The following ITGAD variants were observed in gnomAD, a reference collection of about 807,000 sequenced individuals.
ITGAD encodes the protein integrin subunit alpha D.
Under a neutral mutation model 139.0 loss-of-function variants are expected in ITGAD, and 105 were observed. The ratio of observed to expected loss-of-function variants is 0.76; its 90% CI spans 0.65 to 0.89. ITGAD has a LOEUF of 0.89. ITGAD is among the 40% of genes least tolerant of loss of function. The pLI is 0.00. For missense variants in ITGAD, 1,384 were observed against 1,487.3 expected (o/e 0.93, Z 1.14); for synonymous variants, 569 against 598.3 (o/e 0.95, Z 0.71).
intron 3 of ITGAD, 37 bp from the exon 4 acceptor site, chr16:31,397,559 G>T: frequency 6.2e-7 from 1 of 1,604,100 alleles, no homozygotes. Flanking sequence ...AAATGAGTGT[G>T]TGCTGTGAGT....
Position 31,403,571 on chromosome 16 carries a change from C to A in ITGAD, c.630C>A (p.Ser210Arg). The A allele has an allele frequency of 1.9e-6, 3 of 1,614,210 alleles. No individual in the cohort carries two copies. The highest frequency in any genetic ancestry group is 1.7e-6 in the Non-Finnish European group (2 of 1,180,036). ...TCACCCAATTCCGGACCAGCCCGAGCCAGCAGAGCCTGGTGGATCCCATCG... is the reference window on the plus strand; with the variant it reads ...TCACCCAATTCCGGACCAGCCCGAGACAGCAGAGCCTGGTGGATCCCATCG... ...FTFTQFRTSP[S>R]QQSLVDPIVQ... Residue 210 changes from serine (S) to arginine (R), a missense_variant, in exon 7 of 30, where the codon AGC becomes AGA. Coordinates refer to ENST00000389202, the MANE Select transcript of ITGAD (RefSeq NM_005353.3). This position sits in a 1 kb window ranked among gnomAD's most constrained non-coding sequence, Gnocchi z 4.4.
intron 6 of ITGAD, chr16:31,402,734 A>G (rs2081439811): frequency 1.3e-5 from 2 of 153,366 alleles, no homozygotes; most frequent in Non-Finnish European, 2.9e-5. Context: ...TCCTGAGTAG[A>G]TGGGACTACA....
chr16:31,397,409 G>C lies in ITGAD; in HGVS notation c.188G>C (p.Arg63Pro). Residue 63 changes from arginine (R) to proline (P), a missense_variant, in exon 3 of 30, where the codon CGG becomes CCG. By Grantham distance (103) the Arg-to-Pro change is moderately radical. Transcript: ENST00000389202. The stretch of plus-strand genomic sequence containing the variant: ...GTGGTGGCGGCCAACCAGACGGGAC[G>C]GCTGTATGACTGCGCAGCTGCCACC... ...LEVVAANQTG[R>P]LYDCAAATGM... The C allele has an allele frequency of 6.2e-7, 1 of 1,604,816 alleles. No individual in the cohort carries two copies. Among genetic ancestry groups the C allele is most frequent in the Non-Finnish European group, 8.5e-7 (1 of 1,176,232 alleles).
chr16:31,417,253 T>TTTAC (rs1274599549), intron 20 of ITGAD, among the ~76,000 whole-genome samples: 1 of 148,800 alleles, frequency 6.7e-6, no homozygotes, highest in Non-Finnish European at 1.5e-5. Flanking sequence ...TATTTATTTA[T>TTTAC]TTTTTAGAGA....
chr16:31,414,658 C>T, intron 17 of ITGAD, 53 bp downstream of exon 17: 2 of 1,607,632 alleles, frequency 1.2e-6, no homozygotes, highest in Non-Finnish European at 8.5e-7. Context: ...CAAGGCTGGC[C>T]TGGAGCACCC....
chr16:31,417,203 C>T (rs1246158643), intron 20 of ITGAD, among the ~76,000 whole-genome samples: 2 of 133,042 alleles, frequency 1.5e-5, no homozygotes, highest in African/African-American at 5.6e-5. Flanking sequence ...GCCACTACGC[C>T]CAGCTAATAT....
chr16:31,421,840 C>T lies in ITGAD; in HGVS notation c.2781-1274C>T, dbSNP rs75186772. On this transcript the variant is annotated intron_variant, in intron 23 of 29. Coordinates refer to ENST00000389202, the MANE Select transcript of ITGAD (RefSeq NM_005353.3). ...GGAGCCCATGTTTTTAGTCATCAGG[C>T]TGATGGGGGGTGGACTGCTGGGGCT... Among the ~76,000 whole-genome samples, 1,071 of 152,232 alleles carry T rather than the reference C, an allele frequency of 7.0e-3. 6 individuals are homozygous for T. Among genetic ancestry groups the T allele is most frequent in the East Asian group, 9.3e-3 (48 of 5,180 alleles).
At chr16:31,420,008 G>A (rs2081977872) in intron 23 of ITGAD, among the ~76,000 whole-genome samples, 1 of 152,030 alleles carries the variant, frequency 6.6e-6, no homozygotes, top group South Asian at 2.1e-4. Flanking sequence ...CCCTCTAAAA[G>A]GAAGGCTTCC....
At position 31,418,040 on chromosome 16, in the gene ITGAD, C is replaced by T. The variant is rs530857464; in HGVS notation, c.2500-35C>T. ...TGTGTATCAAGCCCACACATGCATG[C>T]GGGTAACTTCTTAAAATTCATTCTC... On this transcript the variant is annotated intron_variant, in intron 20 of 29. Coordinates refer to ENST00000389202, the MANE Select transcript of ITGAD (RefSeq NM_005353.3). The T allele has an allele frequency of 4.0e-5, 62 of 1,535,756 alleles. 1 individual carries two copies. The highest frequency in any genetic ancestry group is 1.8e-4 in the African/African-American group (13 of 73,522).
intron 4 of ITGAD, 40 bp downstream of exon 4, chr16:31,397,706 CG>C (rs1597105855): frequency 3.7e-5 from 11 of 300,656 alleles, no homozygotes; most frequent in African/African-American, 1.3e-4. Context: ...TGGGGTGGGG[CG>C]GGGGGTGTTG....
At chr16:31,417,033 C>A (rs1230966127) in intron 20 of ITGAD, among the ~76,000 whole-genome samples, 1 of 99,058 alleles carries the variant, frequency 1.0e-5, no homozygotes, top group African/African-American at 3.9e-5. Flanking sequence ...CTTACTTCCT[C>A]CCTCCCTCCC....
intron 28 of ITGAD, 72 bp from the exon 29 acceptor site, chr16:31,424,395 A>C: frequency 3.0e-6 from 4 of 1,339,718 alleles, no homozygotes; most frequent in Non-Finnish European, 4.3e-6. Context: ...GAGGGGAGAG[A>C]GTTAAAGGTT....
rs1427818949 is a variant in ITGAD at position 31,410,775 on chromosome 16, A to G, written c.1253A>G (p.Asn418Ser). The change falls in exon 12 of 30, where the codon AAC (asparagine) becomes AGC (serine). Residue 418 changes from asparagine (N) to serine (S), a missense_variant. Physicochemically the swap from Asn to Ser is conservative, Grantham distance 46. Coordinates refer to ENST00000389202, the MANE Select transcript of ITGAD (RefSeq NM_005353.3). ...CTAGCCCTGTGGAAGGGGGTACAGA[A>G]CCTGGTCCTGGGGGCCCCCCGCTAC... ...TELALWKGVQNLVLGAPRYQH... is the reference protein window; with the variant it reads ...TELALWKGVQSLVLGAPRYQH... 1.9e-6 allele frequency: 3 copies of G among 1,613,076 alleles called. No individual in the cohort carries two copies. The highest frequency in any genetic ancestry group is 2.5e-6 in the Non-Finnish European group (3 of 1,179,744).
intron 19 of ITGAD, 77 bp from the exon 20 acceptor site, chr16:31,416,428 G>A (rs2081887607): frequency 6.4e-7 from 1 of 1,558,050 alleles, no homozygotes; most frequent in Non-Finnish European, 8.8e-7. Flanking sequence ...CAGAGTTCCT[G>A]GGATTCTGCC....
At chr16:31,411,645 A>T (rs1294940122) in intron 14 of ITGAD, 128 bp downstream of exon 14, 1 of 853,434 alleles carries the variant, frequency 1.2e-6, no homozygotes, top group Non-Finnish European at 1.9e-6. Context: ...AGCACACGTC[A>T]TCTCTCTTCT....
chr16:31,423,965 G>C lies in ITGAD; in HGVS notation c.3159+7G>C. ...TTTCGGCTGGGTCCGCGAGGTGTGT[G>C]GGGGCAGCGGCAGAGCCCCTGCCCC... On this transcript the variant is annotated splice_region_variant and intron_variant, in intron 27 of 29. Transcript: ENST00000389202. 1 of 1,613,860 alleles carries C rather than the reference G, an allele frequency of 6.2e-7. No homozygotes were observed. The highest frequency in any genetic ancestry group is 8.5e-7 in the Non-Finnish European group (1 of 1,179,786).
At chr16:31,410,933 G>A (rs373643173) in intron 12 of ITGAD, 55 bp downstream of exon 12, 3 of 1,601,244 alleles carry the variant, frequency 1.9e-6, no homozygotes, top group East Asian at 2.2e-5. Flanking sequence ...ATGAGGGTGG[G>A]GACAGTGGCC....
At position 31,408,488 on chromosome 16, in the gene ITGAD, C is replaced by T. The variant is rs143491528; in HGVS notation, c.1073C>T (p.Ala358Val). ...HEMSQEGFSTALTMDGLFLGA... is the reference protein window; with the variant it reads ...HEMSQEGFSTVLTMDGLFLGA... ...ATGTCCCAAGAAGGCTTCAGCACAG[C>T]CCTCACAATGGTGGGTAGAGCCTGC... Residue 358 changes from alanine (A) to valine (V), a missense_variant, in exon 10 of 30, where the codon GCC becomes GTC. Transcript: ENST00000389202. The T allele has an allele frequency of 6.2e-7, 1 of 1,613,848 alleles. No individual in the cohort carries two copies. Among genetic ancestry groups the T allele is most frequent in the East Asian group, 2.2e-5 (1 of 44,876 alleles).
At chr16:31,396,881 A>G (rs2081275283) in intron 2 of ITGAD, among the ~76,000 whole-genome samples, 2 of 152,190 alleles carry the variant, frequency 1.3e-5, no homozygotes. Flanking sequence ...TGCTTATACA[A>G]TATTTAAATT....
Sources: gnomAD v4.1 joint callset for allele counts (sites outside exome capture counted in the v4.1 genomes callset) on GRCh38, gnomAD v4.1.1 for gene constraint, Gnocchi (gnomAD v3.1) non-coding constraint, MANE v1.5 for transcripts, NCBI Gene and HGNC (gene_info 2026-07-23, HGNC 2026-07-21) for gene names.